Variants in TAS2R1 observed in about 807,000 individuals in gnomAD.
TAS2R1 encodes the protein taste 2 receptor member 1, also known as taste receptor type 2 member 1.
For missense variants in TAS2R1, 370 were observed against 353.4 expected (o/e 1.05, Z -0.38); for synonymous variants, 141 against 134.2 (o/e 1.05, Z -0.35).
the TAS2R1 span, among the ~76,000 whole-genome samples, chr5:9,868,493 C>T: frequency 0.014 from 2,078 of 152,264 alleles, 52 homozygotes; most frequent in African/African-American, 0.047. Flanking sequence ...ATGCAAAGTA[C>T]CAAGTTCCTA....
chr5:9,882,999 G>C, the TAS2R1 span, among the ~76,000 whole-genome samples: 11 of 152,134 alleles, frequency 7.2e-5, no homozygotes, highest in Admixed American at 7.2e-4. Context: ...TGATAGACTA[G>C]ATAAAGAAAG....
At chr5:9,726,394 T>C in the TAS2R1 span, among the ~76,000 whole-genome samples, 1 of 152,106 alleles carries the variant, frequency 6.6e-6, no homozygotes, top group African/African-American at 2.4e-5. Flanking sequence ...AGGATGTGGG[T>C]GAGGCCAGAT....
the TAS2R1 span, among the ~76,000 whole-genome samples, chr5:9,786,401 C>T: frequency 6.6e-6 from 1 of 152,170 alleles, no homozygotes; most frequent in East Asian, 1.9e-4. Context: ...ATGCTGTAAA[C>T]TTTGGTACAC....
chr5:9,727,504 T>C, the TAS2R1 span, among the ~76,000 whole-genome samples: 1 of 152,000 alleles, frequency 6.6e-6, no homozygotes, highest in African/African-American at 2.4e-5. Context: ...GATTCAGAAG[T>C]CTAGATCCCA....
At chr5:9,869,238 T>C in the TAS2R1 span, among the ~76,000 whole-genome samples, 3 of 152,314 alleles carry the variant, frequency 2.0e-5, 1 homozygote, top group African/African-American at 7.2e-5. Flanking sequence ...CTCATGCTGC[T>C]AATAAAGACA....
At chr5:9,709,749 C>A (rs73037656) in intron 1 of TAS2R1, among the ~76,000 whole-genome samples, 1 of 152,182 alleles carries the variant, frequency 6.6e-6, no homozygotes, top group South Asian at 2.1e-4. Context: ...CCAAGTCAAG[C>A]CCTCAGCTAA....
At chr5:9,770,817 C>T in the TAS2R1 span, among the ~76,000 whole-genome samples, 1 of 151,926 alleles carries the variant, frequency 6.6e-6, no homozygotes, top group African/African-American at 2.4e-5. Flanking sequence ...GTTAGGTTTT[C>T]CCAAATATAA....
the TAS2R1 span, among the ~76,000 whole-genome samples, chr5:9,836,302 T>C: frequency 1.3e-5 from 2 of 152,144 alleles, no homozygotes; most frequent in Admixed American, 1.3e-4. Context: ...TAAAGTGTGT[T>C]ATTTGGAACT....
At chr5:9,707,550 G>C (rs1420020307) in intron 1 of TAS2R1, among the ~76,000 whole-genome samples, 3 of 152,180 alleles carry the variant, frequency 2.0e-5, no homozygotes, top group Non-Finnish European at 4.4e-5. Flanking sequence ...GGGCGTGGTG[G>C]TGTGTGCCTG....
chr5:9,840,551 C>A, the TAS2R1 span, among the ~76,000 whole-genome samples: 1 of 152,048 alleles, frequency 6.6e-6, no homozygotes, highest in Non-Finnish European at 1.5e-5. Context: ...TCCATTTATT[C>A]CCTTATGTTT....
the TAS2R1 span, among the ~76,000 whole-genome samples, chr5:9,846,640 A>G: frequency 6.6e-6 from 1 of 151,972 alleles, no homozygotes. Context: ...TTAGGTGAAA[A>G]TATCTGCTCA....
the TAS2R1 span, among the ~76,000 whole-genome samples, chr5:9,823,471 G>C: frequency 6.8e-6 from 1 of 147,760 alleles, no homozygotes; most frequent in East Asian, 2.0e-4. Context: ...GAGGAAGGGA[G>C]GGAAAAGGGA....
intron 1 of TAS2R1, among the ~76,000 whole-genome samples, chr5:9,681,458 G>C (rs994006705): frequency 7.0e-6 from 1 of 142,578 alleles, no homozygotes; most frequent in South Asian, 2.2e-4. Flanking sequence ...TTAGTACTGA[G>C]TACCATCTCT....
chr5:9,751,722 T>G, the TAS2R1 span, among the ~76,000 whole-genome samples: 2 of 152,222 alleles, frequency 1.3e-5, no homozygotes, highest in Non-Finnish European at 2.9e-5. Context: ...GATCCTGAAA[T>G]ACCTATTTAA....
chr5:9,862,543 A>G, the TAS2R1 span, among the ~76,000 whole-genome samples: 1 of 152,164 alleles, frequency 6.6e-6, no homozygotes, highest in Non-Finnish European at 1.5e-5. Flanking sequence ...CTAAGTTAGA[A>G]CAGGAAGGGA....
At chr5:9,683,178 C>T (rs1741059820) in intron 1 of TAS2R1, among the ~76,000 whole-genome samples, 1 of 151,646 alleles carries the variant, frequency 6.6e-6, no homozygotes. Flanking sequence ...AATATGTATC[C>T]TAATAATTTA....
At chr5:9,702,721 G>A (rs1283878601) in intron 1 of TAS2R1, among the ~76,000 whole-genome samples, 2 of 152,106 alleles carry the variant, frequency 1.3e-5, no homozygotes, top group Non-Finnish European at 2.9e-5. Context: ...AAATGATCTT[G>A]TCAAACCAGA....
chr5:9,666,668 A>C lies in TAS2R1; in HGVS notation c.-241-7087T>G, dbSNP rs560035276. On this transcript the variant is annotated intron_variant, in intron 1 of 2. Coordinates refer to the TAS2R1 transcript ENST00000506620. ...GTGGGGTGGGGGCAAAGGAAACAAAAACTAGATCTGCAGATAATAGGGAAA... is the reference window on the plus strand; with the variant it reads ...GTGGGGTGGGGGCAAAGGAAACAAACACTAGATCTGCAGATAATAGGGAAA... 2.6e-5 allele frequency among the ~76,000 whole-genome samples: 4 copies of C among 152,276 alleles called. No individual in the cohort carries two copies. In the East Asian group the frequency reaches 7.7e-4, roughly 29 times the overall value.
At chr5:9,743,960 T>C in the TAS2R1 span, among the ~76,000 whole-genome samples, 1 of 152,232 alleles carries the variant, frequency 6.6e-6, no homozygotes, top group South Asian at 2.1e-4. Context: ...AAAGAAAATA[T>C]TTTTAAAATA....
Sources: gnomAD v4.1 joint callset for allele counts (sites outside exome capture counted in the v4.1 genomes callset) on GRCh38, gnomAD v4.1.1 for gene constraint, MANE v1.5 for transcripts, NCBI Gene and HGNC (gene_info 2026-07-23, HGNC 2026-07-21) for gene names.